Variants in IMPA2 observed in about 807,000 individuals in gnomAD.
IMPA2 encodes IMP 2.
In IMPA2, 32 loss-of-function variants were observed where a neutral mutation model predicts 35.1. The ratio of observed to expected loss-of-function variants is 0.91; its 90% CI spans 0.69 to 1.23. IMPA2 has a LOEUF of 1.23. IMPA2 is among the 50% of genes most tolerant of loss of function. The pLI is 0.00. For synonymous variants in IMPA2, 135 were observed against 160.6 expected, an observed-to-expected ratio of 0.84 and a Z score of 1.20; for missense variants, 334 against 387.6, an observed-to-expected ratio of 0.86 and a Z score of 1.16.
At position 11,999,042 on chromosome 18, in the gene IMPA2, C is replaced by T; in HGVS notation, c.97-12C>T. 6.2e-7 allele frequency: 1 copy of T among 1,605,144 alleles called. No individual in the cohort carries two copies. The highest frequency in any genetic ancestry group is 1.1e-5 in the South Asian group (1 of 90,412). ...TTGCATGTTTAACCCAAATCCCGTA[C>T]TTTTATTTCAGATCATCAGAAAAGC... On this transcript the variant is annotated splice_polypyrimidine_tract_variant and intron_variant, in intron 1 of 7. Coordinates refer to ENST00000269159, the MANE Select transcript of IMPA2 (RefSeq NM_014214.3).
chr18:12,014,144 G>A, intron 4 of IMPA2, 121 bp from the exon 5 acceptor site: 1 of 719,212 alleles, frequency 1.4e-6, no homozygotes, highest in East Asian at 2.8e-5. Context: ...GGTAATTTCT[G>A]TCACAGTGTA....
rs540939709 is a variant in IMPA2 at position 12,007,786 on chromosome 18, C to CT, written c.231-2089dup. ...CTTTTCTTTTTCTTTTCTTTCTTTT[C>CT]TTTTTTTTGAGATGGAATCTCACTC... On this transcript the variant is annotated intron_variant, in intron 2 of 7. Transcript: ENST00000269159. Among the ~76,000 whole-genome samples, 789 of 123,442 alleles carry CT rather than the reference C, an allele frequency of 6.4e-3. 3 individuals are homozygous for CT. The highest frequency in any genetic ancestry group is 9.5e-3 in the Non-Finnish European group (540 of 56,910). The allele number at this position is 123,442 out of a possible 152,430, so 81.0% of individuals were successfully genotyped here.
chr18:12,006,241 C>T (rs1907243524), intron 2 of IMPA2, among the ~76,000 whole-genome samples: 1 of 152,208 alleles, frequency 6.6e-6, no homozygotes, highest in South Asian at 2.1e-4. Context: ...GCAGCCTCTC[C>T]ACCCCCTGCC....
intron 5 of IMPA2, among the ~76,000 whole-genome samples, chr18:12,016,712 C>G (rs1365248497): frequency 6.6e-6 from 1 of 152,160 alleles, no homozygotes; most frequent in Non-Finnish European, 1.5e-5. Flanking sequence ...AGCCACCACA[C>G]CTGGCCGATT....
intron 5 of IMPA2, among the ~76,000 whole-genome samples, chr18:12,022,652 A>G (rs1051047815): frequency 2.7e-5 from 4 of 150,862 alleles, no homozygotes; most frequent in African/African-American, 4.8e-5. Context: ...ATAACTAGTC[A>G]GAAATAATCA....
chr18:11,983,681 CG>C (rs1568024438), intron 1 of IMPA2, among the ~76,000 whole-genome samples: 1 of 151,576 alleles, frequency 6.6e-6, no homozygotes, highest in Non-Finnish European at 1.5e-5. Flanking sequence ...ATTAGGAGTC[CG>C]GTCAGGAAGC....
At chr18:11,984,455 T>G (rs989247389) in intron 1 of IMPA2, among the ~76,000 whole-genome samples, 3 of 152,266 alleles carry the variant, frequency 2.0e-5, no homozygotes, top group African/African-American at 7.2e-5. Context: ...AGAAGTATTG[T>G]AGACAGCTCT....
intron 2 of IMPA2, among the ~76,000 whole-genome samples, chr18:12,003,484 A>G (rs897750486): frequency 2.0e-5 from 3 of 152,026 alleles, no homozygotes; most frequent in African/African-American, 7.2e-5. Flanking sequence ...CGTCTCTACT[A>G]AAAATAGGAA....
intron 2 of IMPA2, among the ~76,000 whole-genome samples, chr18:12,000,134 C>T (rs1907075146): frequency 2.6e-5 from 4 of 152,150 alleles, no homozygotes. Flanking sequence ...AGTGTCCATT[C>T]AGCACATGGT....
intron 1 of IMPA2, among the ~76,000 whole-genome samples, 197 bp downstream of exon 1, chr18:11,981,962 C>T (rs1471151518): frequency 6.6e-6 from 1 of 151,974 alleles, no homozygotes; most frequent in Non-Finnish European, 1.5e-5. Flanking sequence ...TCTCCAACTC[C>T]CGGAGCCCTG....
rs371912871 is a variant in IMPA2, at chr18:11,982,729, G to T, written c.96+964G>T. ...AATCACTTGAACCTGGGAGGCGAAG[G>T]TTGCAGTGAGCTGAGATCGCGCCAT... On this transcript the variant is annotated intron_variant, in intron 1 of 7. Coordinates refer to ENST00000269159, the MANE Select transcript of IMPA2 (RefSeq NM_014214.3). 3.3e-5 allele frequency among the ~76,000 whole-genome samples: 5 copies of T among 151,530 alleles called. No homozygotes were observed. In the East Asian group the frequency reaches 9.7e-4, roughly 29 times the overall value.
At position 12,027,721 on chromosome 18, in the gene IMPA2, C is replaced by T. The variant is rs368894116; in HGVS notation, c.491-322C>T. ...CTCCTGAGTAGCTGCAACTACAGGC[C>T]TGTGCCACCATGCCCAGCTACTTTT... On this transcript the variant is annotated intron_variant, in intron 5 of 7. Transcript: ENST00000269159. Among the ~76,000 whole-genome samples the T allele has an allele frequency of 2.6e-5, 4 of 151,686 alleles. No individual in the cohort carries two copies. In the East Asian group the frequency reaches 5.8e-4, roughly 22 times the overall value.
intron 1 of IMPA2, among the ~76,000 whole-genome samples, chr18:11,987,009 G>C (rs894416576): frequency 3.9e-5 from 6 of 152,186 alleles, no homozygotes; most frequent in African/African-American, 1.4e-4. Flanking sequence ...CTAGTTTTCT[G>C]TATACCTATT....
Position 11,981,687 on chromosome 18 carries a change from G to C in IMPA2, c.18G>C (p.Glu6Asp). The C allele has an allele frequency of 8.1e-7, 1 of 1,230,884 alleles. No homozygotes were observed. The allele number at this position is 1,230,884 out of a possible 1,614,324, so 76.2% of individuals were successfully genotyped here. A position where few individuals can be genotyped will look rare whatever the true frequency, so the allele number is the denominator to read the frequency against. Residue 6 changes from glutamate (E) to aspartate (D), a missense_variant, in exon 1 of 8, where the codon GAG (glutamate) becomes GAC (aspartate). Glu to Asp is a conservative substitution (Grantham distance 45). Coordinates refer to ENST00000269159, the MANE Select transcript of IMPA2 (RefSeq NM_014214.3). MKPSG[E>D]DQAALAAGPW... ...AGGCCGCGATGAAGCCGAGCGGCGA[G>C]GACCAGGCGGCGCTGGCGGCCGGCC...
Position 12,014,133 on chromosome 18 carries a change from A to T in IMPA2, c.382-132A>T, listed in dbSNP as rs1907508456. 8 of 673,386 alleles carry T rather than the reference A, an allele frequency of 1.2e-5. No homozygotes were observed. In the South Asian group the frequency reaches 1.4e-4, roughly 11 times the overall value. 41.7% of individuals were successfully genotyped at this position (673,386 alleles called of 1,614,324 possible). On this transcript the variant is annotated intron_variant, in intron 4 of 7. Coordinates refer to ENST00000269159, the MANE Select transcript of IMPA2 (RefSeq NM_014214.3). Reference sequence around the variant, plus strand: ...TGCTTTTTCTCAGTTCCTTTTGGAAAGGTAATTTCTGTCACAGTGTAATGT... The same window carrying T: ...TGCTTTTTCTCAGTTCCTTTTGGAATGGTAATTTCTGTCACAGTGTAATGT...
intron 3 of IMPA2, among the ~76,000 whole-genome samples, chr18:12,011,184 C>G (rs2143805982): frequency 6.6e-6 from 1 of 152,352 alleles, no homozygotes; most frequent in South Asian, 2.1e-4. Flanking sequence ...GTCTGCACCC[C>G]TGGGGGGATC....
In IMPA2 at chr18:11,999,149, A is replaced by AAT. The variant is rs754812678; in HGVS notation, c.193_194dup (p.Ile66LeufsTer68). 14 of 1,613,850 alleles carry AAT rather than the reference A, an allele frequency of 8.7e-6. No homozygotes were observed. The highest frequency in any genetic ancestry group is 1.2e-5 in the Non-Finnish European group (14 of 1,179,892). On this transcript the variant is annotated frameshift_variant, in exon 2 of 8. Transcript: ENST00000269159. LOFTEE classifies it high-confidence loss of function. ...AAACAGATCACCTTGTGGAAGATTT[A>AAT]ATTATTTCTGAGTTGCGAGAGAGGT...
In IMPA2 at chr18:12,014,440, C is replaced by A. The variant is rs1907522840; in HGVS notation, c.490+67C>A. ...AAGTGTGAAAGGAGAATGCCAAAGC[C>A]ACCATGATGTGGGACGGTGGTGGAG... On this transcript the variant is annotated intron_variant, in intron 5 of 7. Coordinates refer to ENST00000269159, the MANE Select transcript of IMPA2 (RefSeq NM_014214.3). 3.0e-6 allele frequency: 3 copies of A among 988,068 alleles called. No homozygotes were observed. The African/African-American group carries it at 4.9e-5, about 16-fold the overall frequency. 61.2% of individuals were successfully genotyped at this position (988,068 alleles called of 1,614,324 possible).
intron 5 of IMPA2, among the ~76,000 whole-genome samples, chr18:12,021,319 G>A (rs1217251129): frequency 2.0e-5 from 3 of 152,140 alleles, no homozygotes; most frequent in Non-Finnish European, 4.4e-5. Context: ...GGTAACAGAA[G>A]TTCAAGGTAA....
Sources: gnomAD v4.1 joint callset for allele counts (sites outside exome capture counted in the v4.1 genomes callset) on GRCh38, gnomAD v4.1.1 for gene constraint, MANE v1.5 for transcripts, NCBI Gene and HGNC (gene_info 2026-07-23, HGNC 2026-07-21) for gene names.